The following FHIT variants were observed in gnomAD, a reference collection of about 807,000 sequenced individuals.
FHIT encodes the protein fragile histidine triad diadenosine triphosphatase.
A neutral mutation model predicts 17.9 loss-of-function variants in FHIT; 19 were observed. The observed-to-expected ratio is 1.06, with a 90% CI of 0.74 to 1.56. The LOEUF is 1.56. FHIT is among the 40% of genes most tolerant of loss of function. The pLI, the probability that FHIT is intolerant of heterozygous loss-of-function variation, is 0.00. For missense variants in FHIT, 248 were observed against 189.2 expected, an observed-to-expected ratio of 1.31 and a Z score of -1.82; for synonymous variants, 81 against 69.7, an observed-to-expected ratio of 1.16 and a Z score of -0.81.
intron 5 of FHIT, among the ~76,000 whole-genome samples, chr3:60,447,866 G>A (rs1559921805): frequency 6.6e-6 from 1 of 152,074 alleles, no homozygotes; most frequent in Non-Finnish European, 1.5e-5. Context: ...GTAAAGATGG[G>A]GGAAATGACC....
intron 7 of FHIT, among the ~76,000 whole-genome samples, chr3:59,966,410 G>A (rs900479929): frequency 3.9e-5 from 6 of 152,130 alleles, no homozygotes; most frequent in African/African-American, 1.4e-4. Context: ...ACTACAGCTA[G>A]CCATGTGTTA....
intron 5 of FHIT, among the ~76,000 whole-genome samples, chr3:60,019,622 T>C: frequency 6.6e-6 from 1 of 152,080 alleles, no homozygotes; most frequent in East Asian, 1.9e-4. Context: ...TTCTCCACGT[T>C]GGTCAGGCTG....
chr3:61,046,731 C>T (rs1267316116), intron 2 of FHIT, among the ~76,000 whole-genome samples: 1 of 152,104 alleles, frequency 6.6e-6, no homozygotes, highest in Non-Finnish European at 1.5e-5. Context: ...AACTTCGATG[C>T]AAAAATCCTT....
At chr3:60,152,372 T>C (rs1700505127) in intron 5 of FHIT, among the ~76,000 whole-genome samples, 1 of 152,204 alleles carries the variant, frequency 6.6e-6, no homozygotes. Context: ...TTATTGTAGC[T>C]ATTACTAATG....
intron 5 of FHIT, among the ~76,000 whole-genome samples, chr3:60,308,038 A>G (rs1286953120): frequency 1.3e-5 from 2 of 152,150 alleles, no homozygotes; most frequent in African/African-American, 2.4e-5. Flanking sequence ...CAGCAACACT[A>G]CTTCGCAGAT....
At chr3:60,612,210 G>A (rs75325147) in intron 4 of FHIT, among the ~76,000 whole-genome samples, 2,337 of 152,216 alleles carry the variant, frequency 0.015, 67 homozygotes, top group African/African-American at 0.054. Flanking sequence ...AATGAGTCAT[G>A]AGCTAACTGT....
At chr3:60,615,378 G>C (rs1189030956) in intron 4 of FHIT, among the ~76,000 whole-genome samples, 1 of 152,114 alleles carries the variant, frequency 6.6e-6, no homozygotes, top group African/African-American at 2.4e-5. Context: ...GTGATTCCGT[G>C]GGCTGAATGT....
chr3:59,755,738 T>G (rs971077004), intron 8 of FHIT, among the ~76,000 whole-genome samples: 2 of 152,146 alleles, frequency 1.3e-5, no homozygotes, highest in Non-Finnish European at 2.9e-5. Context: ...CGGCTGATTC[T>G]TAGTGAGATG....
intron 5 of FHIT, among the ~76,000 whole-genome samples, chr3:60,357,583 G>C (rs1348660205): frequency 6.6e-6 from 1 of 152,022 alleles, no homozygotes; most frequent in Admixed American, 6.6e-5. Flanking sequence ...ATTAAATGAT[G>C]ATTTCTTGAC....
chr3:60,022,616 TA>T (rs1434845527), intron 5 of FHIT, among the ~76,000 whole-genome samples: 2 of 152,218 alleles, frequency 1.3e-5, no homozygotes, highest in African/African-American at 4.8e-5. Flanking sequence ...AGTTTGTTCT[TA>T]AATAGGTTTT....
chr3:59,978,585 C>T (rs1708514221), intron 7 of FHIT, among the ~76,000 whole-genome samples: 2 of 151,740 alleles, frequency 1.3e-5, no homozygotes, highest in African/African-American at 4.8e-5. Context: ...TCTGAAACAA[C>T]CCATACAAGT....
chr3:60,964,003 A>T (rs12487847), intron 3 of FHIT, among the ~76,000 whole-genome samples: 55,587 of 151,946 alleles, frequency 0.37, 10,988 homozygotes, highest in East Asian at 0.63. Flanking sequence ...TTTCTGTCTC[A>T]TTGATCTGTC....
At chr3:59,889,960 T>C (rs1470860390) in intron 8 of FHIT, among the ~76,000 whole-genome samples, 1 of 152,220 alleles carries the variant, frequency 6.6e-6, no homozygotes, top group Non-Finnish European at 1.5e-5. Flanking sequence ...ATTATCTCTC[T>C]CTTTCATGTG....
At chr3:60,727,382 A>G (rs1353253351) in intron 4 of FHIT, among the ~76,000 whole-genome samples, 1 of 152,220 alleles carries the variant, frequency 6.6e-6, no homozygotes, top group African/African-American at 2.4e-5. Flanking sequence ...TAACTGAGAT[A>G]AACAAGAAAG....
At chr3:60,238,198 G>C (rs1245073770) in intron 5 of FHIT, among the ~76,000 whole-genome samples, 1 of 150,692 alleles carries the variant, frequency 6.6e-6, no homozygotes, top group Non-Finnish European at 1.5e-5. Flanking sequence ...AACTTTATTG[G>C]ACACTCCCTC....
chr3:61,026,839 C>T (rs1396962003), intron 3 of FHIT, among the ~76,000 whole-genome samples: 4 of 152,198 alleles, frequency 2.6e-5, no homozygotes, highest in Middle Eastern at 3.4e-3. Context: ...AGAATTCAAA[C>T]CTCACCTTCC....
intron 2 of FHIT, among the ~76,000 whole-genome samples, chr3:61,160,332 T>C (rs946223493): frequency 6.6e-6 from 1 of 152,222 alleles, no homozygotes; most frequent in Non-Finnish European, 1.5e-5. Flanking sequence ...CAAGTAGGAA[T>C]CATGTACATA....
At chr3:59,817,485 C>T (rs748468284) in intron 8 of FHIT, among the ~76,000 whole-genome samples, 1 of 143,578 alleles carries the variant, frequency 7.0e-6, no homozygotes, top group Non-Finnish European at 1.5e-5. Context: ...CACTTGAGGC[C>T]GGGAGGTCGG....
rs183056341 is a variant in FHIT, at chr3:60,578,504, G to C, written c.-17-41525C>G. Among the ~76,000 whole-genome samples the C allele has an allele frequency of 3.9e-3, 593 of 150,486 alleles. 8 individuals are homozygous for C. Among genetic ancestry groups the C allele is most frequent in the African/African-American group, 0.014 (554 of 40,892 alleles). On this transcript the variant is annotated intron_variant, in intron 4 of 9. Coordinates refer to ENST00000492590, the MANE Select transcript of FHIT (RefSeq NM_002012.4). ...TAAATATTCACATCATCTGCCTTTG[G>C]TTATTCAACCTATAGTTTATCATGG...
Sources: allele counts gnomAD v4.1 joint callset (sites outside exome capture counted in the v4.1 genomes callset), GRCh38; gene constraint gnomAD v4.1.1; transcripts MANE v1.5; gene names NCBI Gene and HGNC (gene_info 2026-07-23, HGNC 2026-07-21).